The following KANK4 variants were observed in gnomAD, a reference collection of about 807,000 sequenced individuals.
KANK4 encodes KN motif and ankyrin repeat domains 4.
In KANK4, 50 loss-of-function variants were observed where a neutral mutation model predicts 80.8. That is an observed-to-expected ratio of 0.62 (90% CI 0.49 to 0.78). The LOEUF (loss-of-function observed/expected upper bound fraction) is 0.78. KANK4 is among the 30% of genes least tolerant of loss of function. KANK4 has a pLI of 0.00. For synonymous variants in KANK4, 465 were observed against 506.9 expected, an observed-to-expected ratio of 0.92 and a Z score of 1.11; for missense variants, 1,196 against 1,240.1, an observed-to-expected ratio of 0.96 and a Z score of 0.53.
At position 62,236,428 on chromosome 1, in the gene KANK4, T is replaced by C. The variant is rs114915059; in HGVS notation, c.*1849A>G. 0.037 allele frequency among the ~76,000 whole-genome samples: 5,567 copies of C among 152,212 alleles called. 105 individuals are homozygous for C. Among genetic ancestry groups the C allele is most frequent in the Non-Finnish European group, 0.049 (3,336 of 68,010 alleles). Reference sequence around the variant, plus strand: ...GTATTTTGAGGTCAAAATAAACTCATTTAAAGCATTTTTTTTCTCATTATT... The same window carrying C: ...GTATTTTGAGGTCAAAATAAACTCACTTAAAGCATTTTTTTTCTCATTATT... On this transcript the variant is annotated 3_prime_UTR_variant, in exon 10 of 10. Transcript: ENST00000371153.
At chr1:62,295,447 T>A (rs1644354995) in intron 1 of KANK4, among the ~76,000 whole-genome samples, 1 of 152,212 alleles carries the variant, frequency 6.6e-6, no homozygotes, top group Non-Finnish European at 1.5e-5. Flanking sequence ...GGTGAGCCAC[T>A]GCACCTGGCC....
rs954153310 is a variant in KANK4, at chr1:62,273,698, G to C, written c.1406C>G (p.Ala469Gly). The C allele has an allele frequency of 2.9e-5, 47 of 1,614,010 alleles. No individual in the cohort carries two copies. Among genetic ancestry groups the C allele is most frequent in the Non-Finnish European group, 3.9e-5 (46 of 1,180,020 alleles). ...CAGCTGGGGCAGAAGCACACGTTCTGCTGGGCTCTGATTCCCTTGTTTATG... is the reference window on the plus strand; with the variant it reads ...CAGCTGGGGCAGAAGCACACGTTCTCCTGGGCTCTGATTCCCTTGTTTATG... Reference protein sequence around the residue: ...DGHKQGNQSPAERVLLPQLSL... With the variant: ...DGHKQGNQSPGERVLLPQLSL... Residue 469 changes from alanine (A) to glycine (G), a missense_variant, in exon 3 of 10, where the codon GCA becomes GGA. Transcript: ENST00000371153.
chr1:62,239,453 T>A (rs1474769815), intron 9 of KANK4, among the ~76,000 whole-genome samples: 1 of 152,196 alleles, frequency 6.6e-6, no homozygotes, highest in Non-Finnish European at 1.5e-5. Context: ...GTCTCTGCCA[T>A]CATAATCTTA....
chr1:62,293,702 T>C lies in KANK4; in HGVS notation c.-70-12068A>G, dbSNP rs560184947. ...CCATCACTAAACAATACAGCGAAAC[T>C]CCTGTGTATGCACCCAGCCTAAGAG... On this transcript the variant is annotated intron_variant, in intron 1 of 9. Transcript: ENST00000371153. 7.9e-5 allele frequency among the ~76,000 whole-genome samples: 12 copies of C among 152,306 alleles called. No homozygotes were observed. The East Asian group carries it at 2.1e-3, about 27-fold the overall frequency.
At chr1:62,261,794 C>T (rs972541446) in intron 7 of KANK4, among the ~76,000 whole-genome samples, 1 of 152,190 alleles carries the variant, frequency 6.6e-6, no homozygotes, top group Non-Finnish European at 1.5e-5. Flanking sequence ...AGTCTCCAGG[C>T]ATTTTTCCCT....
In KANK4 at chr1:62,303,799, T is replaced by C. The variant is rs189360043; in HGVS notation, c.-71+15307A>G. Among the ~76,000 whole-genome samples the C allele has an allele frequency of 1.8e-4, 28 of 152,226 alleles. No homozygotes were observed. The East Asian group carries it at 5.2e-3, about 28-fold the overall frequency. On this transcript the variant is annotated intron_variant, in intron 1 of 9. Coordinates refer to ENST00000371153, the MANE Select transcript of KANK4 (RefSeq NM_181712.5). ...TTGGGTTAAATAAAATATATTAAAA[T>C]TAATTTCACCTGTTTTCTTTTTATT...
At chr1:62,291,496 C>T (rs547201690) in intron 1 of KANK4, among the ~76,000 whole-genome samples, 53 of 152,304 alleles carry the variant, frequency 3.5e-4, no homozygotes, top group African/African-American at 1.3e-3. Context: ...GGCTGGAGTG[C>T]AGTGGCACAA....
chr1:62,296,427 A>C (rs1318552886), intron 1 of KANK4, among the ~76,000 whole-genome samples: 1 of 152,226 alleles, frequency 6.6e-6, no homozygotes, highest in African/African-American at 2.4e-5. Flanking sequence ...TCATCACTGA[A>C]TGACCTCAAT....
chr1:62,268,562 A>G (rs1672084649), intron 4 of KANK4, 57 bp from the exon 5 acceptor site: 32 of 1,434,578 alleles, frequency 2.2e-5, no homozygotes, highest in Admixed American at 1.4e-4. Context: ...GCCCATGTCA[A>G]CACCAGTGAG....
At chr1:62,299,927 G>A (rs898848224) in intron 1 of KANK4, among the ~76,000 whole-genome samples, 1 of 152,040 alleles carries the variant, frequency 6.6e-6, no homozygotes, top group Non-Finnish European at 1.5e-5. Flanking sequence ...TTCTTCCCAG[G>A]TCAGAAGGCG....
In KANK4 at chr1:62,274,900, A is replaced by C; in HGVS notation, c.204T>G (p.Thr68=). The part of the protein sequence containing the change: ...HRRAKQAKFS[T]LPRNFSLPDS... ...CAGGAAGGCTGAAGTTTCGGGGCAG[A>C]GTGCTAAATTTGGCCTGCTTGGCCC... is the stretch of plus-strand genomic sequence containing the variant. Residue 68 remains threonine (T), a synonymous_variant, in exon 3 of 10, where the codon ACT becomes ACG. Transcript: ENST00000371153. 2 of 1,614,166 alleles carry C rather than the reference A, an allele frequency of 1.2e-6. No individual in the cohort carries two copies. Among genetic ancestry groups the C allele is most frequent in the Non-Finnish European group, 1.7e-6 (2 of 1,180,032 alleles).
chr1:62,238,277 C>T lies in KANK4; in HGVS notation c.2988G>A (p.Ter996=). 6.2e-7 allele frequency: 1 copy of T among 1,611,534 alleles called. No homozygotes were observed. Among genetic ancestry groups the T allele is most frequent in the Non-Finnish European group, 8.5e-7 (1 of 1,177,842 alleles). The change falls in exon 10 of 10, where the codon TAG becomes TAA. Residue 996 remains the stop codon, a stop_retained_variant. Transcript: ENST00000371153. The part of the protein sequence containing the change: ...HAEQGRSLGL[*] ...CCCACGGCCAGTTCTTCTGCAGCCCCTACAGCCCCAGGGACCTGCCCTGCT... is the reference window on the plus strand; with the variant it reads ...CCCACGGCCAGTTCTTCTGCAGCCCTTACAGCCCCAGGGACCTGCCCTGCT...
rs772206307 is a variant in KANK4, at chr1:62,268,440, C to T, written c.2078G>A (p.Ser693Asn). The T allele has an allele frequency of 3.1e-6, 5 of 1,613,846 alleles. No homozygotes were observed. Among genetic ancestry groups the T allele is most frequent in the Admixed American group, 1.7e-5 (1 of 60,010 alleles). Reference protein sequence around the residue: ...EDSTPEDLSDSEAEKKCDGPD... With the variant: ...EDSTPEDLSDNEAEKKCDGPD... ...GCCGTCACACTTCTTCTCTGCCTCG[C>T]TGTCAGACAAGTCCTCTGGGGTGCT... Residue 693 changes from serine to asparagine, a missense_variant, in exon 5 of 10, where the codon AGC (serine) becomes AAC (asparagine). By Grantham distance (46) the Ser-to-Asn change is conservative. Around this residue, in one of 3 missense-constraint regions of KANK4, gnomAD observed 1,154 missense variants for 1,179.6 expected, o/e 0.98. Transcript: ENST00000371153.
chr1:62,295,308 A>T (rs1483263903), intron 1 of KANK4, among the ~76,000 whole-genome samples: 1 of 152,032 alleles, frequency 6.6e-6, no homozygotes, highest in African/African-American at 2.4e-5. Context: ...AGCCCGGCTA[A>T]TTTTTTTGTA....
chr1:62,251,227 T>C (rs752625586), intron 8 of KANK4, among the ~76,000 whole-genome samples: 2 of 152,258 alleles, frequency 1.3e-5, no homozygotes, highest in Non-Finnish European at 2.9e-5. Context: ...CACACTGCCC[T>C]GTGGGAGCTG....
At chr1:62,308,966 C>T (rs1331262874) in intron 1 of KANK4, among the ~76,000 whole-genome samples, 1 of 152,196 alleles carries the variant, frequency 6.6e-6, no homozygotes, top group Non-Finnish European at 1.5e-5. Context: ...CCAGAACCTC[C>T]CTTGGGGCTC....
intron 1 of KANK4, among the ~76,000 whole-genome samples, chr1:62,315,589 C>G (rs1644532401): frequency 6.6e-6 from 1 of 152,098 alleles, no homozygotes; most frequent in Non-Finnish European, 1.5e-5. Flanking sequence ...GGATTGTTCT[C>G]AAACCCATTG....
Position 62,253,141 on chromosome 1 carries a change from C to G in KANK4, c.2608G>C (p.Ala870Pro). The change falls in exon 8 of 10, where the codon GCA becomes CCA. Residue 870 changes from alanine (A) to proline (P), a missense_variant. Physicochemically the swap from Ala to Pro is conservative, Grantham distance 27 (BLOSUM62 -1). Coordinates refer to ENST00000371153, the MANE Select transcript of KANK4 (RefSeq NM_181712.5). ...TAVMITPLAS[A>P]ETNEDMAVVW... ...ACAGCCATGTCTTCATTGGTCTCTGCGGAAGCCAAGGGAGTGATCATTACG... is the reference window on the plus strand; with the variant it reads ...ACAGCCATGTCTTCATTGGTCTCTGGGGAAGCCAAGGGAGTGATCATTACG... 1.2e-6 allele frequency: 2 copies of G among 1,613,768 alleles called. No homozygotes were observed. Among genetic ancestry groups the G allele is most frequent in the Non-Finnish European group, 1.7e-6 (2 of 1,179,902 alleles).
intron 8 of KANK4, among the ~76,000 whole-genome samples, chr1:62,251,129 T>C (rs1671606401): frequency 2.0e-5 from 3 of 152,182 alleles, no homozygotes; most frequent in Admixed American, 1.3e-4. Flanking sequence ...GCAGGCTTAC[T>C]GTCCCTTATC....
Sources: allele counts gnomAD v4.1 joint callset (sites outside exome capture counted in the v4.1 genomes callset), GRCh38; gene constraint gnomAD v4.1.1; regional missense constraint gnomAD v4.1.1; transcripts MANE v1.5; gene names NCBI Gene and HGNC (gene_info 2026-07-23, HGNC 2026-07-21).